The following TPPP variants were observed in gnomAD, a reference collection of about 807,000 sequenced individuals.
TPPP encodes tubulin polymerization promoting protein.
A neutral mutation model predicts 15.5 loss-of-function variants in TPPP; 6 were observed. The ratio of observed to expected loss-of-function variants is 0.39; its 90% CI spans 0.21 to 0.77. The LOEUF is 0.77. Ranked by LOEUF, TPPP falls within the 30% of genes least tolerant of loss-of-function variation. The probability of loss-of-function intolerance (pLI) is 0.42; values close to 1 mark genes in which losing one functional copy is unlikely to be tolerated. For missense variants in TPPP, 269 were observed against 307.2 expected (o/e 0.88, Z 0.93); for synonymous variants, 146 against 133.9 (o/e 1.09, Z -0.63).
At chr5:693,599 C>A (rs902294395), upstream of TPPP, among the ~76,000 whole-genome samples, 1 of 151,754 alleles carries the variant, frequency 6.6e-6, no homozygotes, top group African/African-American at 2.4e-5. Context: ...CAGCGCAGGG[C>A]GCGGCCGACC....
chr5:670,206 C>G (rs1365706673), intron 2 of TPPP, among the ~76,000 whole-genome samples: 1 of 152,176 alleles, frequency 6.6e-6, no homozygotes, highest in Non-Finnish European at 1.5e-5. Context: ...GGGCGGACGT[C>G]ACAGGCCCCG....
rs1044546508 is a variant in TPPP at position 663,402 on chromosome 5, CTCTT to C, written c.*1696_*1699del. ...GAAGCCTGAGGTCCATTTTTCCTTG[CTCTT>C]TATTTCCAGGCACTGAACTTCCCAG... On this transcript the variant is annotated 3_prime_UTR_variant, in exon 4 of 4. Coordinates refer to ENST00000360578, the MANE Select transcript of TPPP (RefSeq NM_007030.3). The C allele has an allele frequency of 6.6e-6, 1 of 152,444 alleles. No individual in the cohort carries two copies. The highest frequency in any genetic ancestry group is 2.4e-5 in the African/African-American group (1 of 41,466). The allele number at this position is 152,444 out of a possible 1,614,324, so 9.4% of individuals were successfully genotyped here.
In TPPP at chr5:663,123, G is replaced by A. The variant is rs1185967513; in HGVS notation, c.*1979C>T. On this transcript the variant is annotated 3_prime_UTR_variant, in exon 4 of 4. Transcript: ENST00000360578. ...TTCCGGTGGCCGCTCGTCTGTGATC[G>A]GGCGATTCCGGTGACCGCTCGTCTG... 1.7e-5 allele frequency: 2 copies of A among 117,772 alleles called. No individual in the cohort carries two copies. The highest frequency in any genetic ancestry group is 1.9e-4 in the East Asian group (1 of 5,186). 7.3% of individuals were successfully genotyped at this position (117,772 alleles called of 1,614,324 possible).
chr5:671,608 G>A (rs890152705), intron 2 of TPPP, among the ~76,000 whole-genome samples: 6 of 152,206 alleles, frequency 3.9e-5, no homozygotes, highest in African/African-American at 1.4e-4. Context: ...GGGATTGCTG[G>A]TGCTGCCCGG....
At chr5:687,257 G>A (rs61484744) in intron 1 of TPPP, among the ~76,000 whole-genome samples, 17,007 of 136,982 alleles carry the variant, frequency 0.12, 678 homozygotes, top group African/African-American at 0.23. Context: ...TGTTAACCCC[G>A]GACTGTGTCA....
Position 677,537 on chromosome 5 carries a change from C to T in TPPP, c.311+213G>A, listed in dbSNP as rs572218508. Among the ~76,000 whole-genome samples, 19 of 152,324 alleles carry T rather than the reference C, an allele frequency of 1.2e-4. No individual in the cohort carries two copies. The East Asian group carries it at 2.1e-3, about 17-fold the overall frequency. ...AGGGCTGCCACTCAGGCCTCGGCAC[C>T]GAGAAGTCCGGCAATGCCCGGACCC... On this transcript the variant is annotated intron_variant, in intron 2 of 3. Coordinates refer to ENST00000360578, the MANE Select transcript of TPPP (RefSeq NM_007030.3).
At chr5:682,124 G>C in intron 1 of TPPP, among the ~76,000 whole-genome samples, 1 of 150,794 alleles carries the variant, frequency 6.6e-6, no homozygotes. Context: ...AAACCTGCCA[G>C]AACAGAATTG....
rs1324760239 is a variant in TPPP at position 679,422 on chromosome 5, GGCC to G, written c.-4-1361_-4-1359del. Among the ~76,000 whole-genome samples, 91 of 107,552 alleles carry G rather than the reference GGCC, an allele frequency of 8.5e-4. 4 individuals carry two copies. Among genetic ancestry groups the G allele is most frequent in the African/African-American group, 3.7e-3 (89 of 24,258 alleles). The allele number at this position is 107,552 out of a possible 152,430, so 70.6% of individuals were successfully genotyped here. The stretch of plus-strand genomic sequence containing the variant: ...GGGGGCAGGATCCTGGGGGTGGAAG[GGCC>G]GCCTGGGGGCAGGATCCTGGGGGTG... On this transcript the variant is annotated intron_variant, in intron 1 of 3. Coordinates refer to ENST00000360578, the MANE Select transcript of TPPP (RefSeq NM_007030.3).
chr5:667,626 A>C (rs1023353077), intron 2 of TPPP, among the ~76,000 whole-genome samples: 1 of 152,206 alleles, frequency 6.6e-6, no homozygotes, highest in Non-Finnish European at 1.5e-5. Context: ...TGAGAAGACA[A>C]GCCACAGACT....
chr5:699,176 C>T, the TPPP span, among the ~76,000 whole-genome samples: 1 of 151,982 alleles, frequency 6.6e-6, no homozygotes, highest in Non-Finnish European at 1.5e-5. Context: ...GCCCAACTAG[C>T]CAAAGCAATC....
At chr5:666,274 A>C in intron 2 of TPPP, 151 bp from the exon 3 acceptor site, 8 of 826,118 alleles carry the variant, frequency 9.7e-6, no homozygotes, top group African/African-American at 1.7e-5. Context: ...GCAAATCCAA[A>C]CTGTCTTGGA....
At chr5:700,685 CT>C in the TPPP span, among the ~76,000 whole-genome samples, 11,729 of 151,394 alleles carry the variant, frequency 0.077, 1,382 homozygotes, top group African/African-American at 0.27. Context: ...TGGATTTCTT[CT>C]TTTTAGTTAT....
intron 2 of TPPP, chr5:666,775 G>A (rs903882769): frequency 6.6e-6 from 1 of 152,232 alleles, no homozygotes; most frequent in Admixed American, 6.5e-5. Context: ...CCCACCACAG[G>A]CCATTCAGGC....
intron 2 of TPPP, among the ~76,000 whole-genome samples, chr5:670,482 G>A (rs1409600172): frequency 6.6e-6 from 1 of 152,102 alleles, no homozygotes; most frequent in African/African-American, 2.4e-5. Flanking sequence ...CTCCCCCAGG[G>A]CACCAACCTC....
chr5:683,732 G>A (rs1443641759), intron 1 of TPPP, among the ~76,000 whole-genome samples: 1 of 152,280 alleles, frequency 6.6e-6, no homozygotes, highest in Non-Finnish European at 1.5e-5. Context: ...GGTTGGAGGG[G>A]TGGGGGCCGA....
chr5:674,404 G>A (rs147787878), intron 2 of TPPP, among the ~76,000 whole-genome samples: 12 of 150,872 alleles, frequency 8.0e-5, no homozygotes, highest in South Asian at 2.1e-4. Flanking sequence ...CCTTGCCCAC[G>A]CAGGCTCTGG....
chr5:675,210 A>G (rs1356102712), intron 2 of TPPP, among the ~76,000 whole-genome samples: 39 of 28,654 alleles, frequency 1.4e-3, no homozygotes, highest in African/African-American at 2.5e-3. Context: ...GGTTCAGTGT[A>G]GCCGGGGGTG....
chr5:664,926 G>A lies in TPPP; in HGVS notation c.*176C>T. 1.5e-6 allele frequency: 1 copy of A among 679,576 alleles called. No individual in the cohort carries two copies. Among genetic ancestry groups the A allele is most frequent in the South Asian group, 1.9e-5 (1 of 52,826 alleles). The allele number at this position is 679,576 out of a possible 1,614,324, so 42.1% of individuals were successfully genotyped here. The stretch of plus-strand genomic sequence containing the variant: ...AAACCTGGTTTGAGAGGGGAGTGCT[G>A]GGGGCATCCGGTAGGAGGAGGGGCA... On this transcript the variant is annotated 3_prime_UTR_variant, in exon 4 of 4. Coordinates refer to ENST00000360578, the MANE Select transcript of TPPP (RefSeq NM_007030.3).
rs773870864 is a variant in TPPP at position 665,186 on chromosome 5, G to A, written c.576C>T (p.Arg192=). The A allele has an allele frequency of 2.6e-5, 42 of 1,613,658 alleles. No individual in the cohort carries two copies. Among genetic ancestry groups the A allele is most frequent in the Middle Eastern group, 1.6e-4 (1 of 6,078 alleles). Reference sequence around the variant, plus strand: ...AGCCTGACTCGTCCACCAGATCCACGCGGCCAGCCTTGCCCTTGCCCTTGC... The same window carrying A: ...AGCCTGACTCGTCCACCAGATCCACACGGCCAGCCTTGCCCTTGCCCTTGC... ...PSGKGKGKAG[R]VDLVDESGYV... is the part of the protein sequence containing the mutation. The change falls in exon 4 of 4, where the codon CGC becomes CGT. Residue 192 remains arginine, a synonymous_variant. Transcript: ENST00000360578.
Sources: gnomAD v4.1 joint callset for allele counts (sites outside exome capture counted in the v4.1 genomes callset) on GRCh38, gnomAD v4.1.1 for gene constraint, MANE v1.5 for transcripts, NCBI Gene and HGNC (gene_info 2026-07-23, HGNC 2026-07-21) for gene names.